ADAM12: variants seen among roughly 807,000 people sequenced by gnomAD.
The protein encoded by ADAM12 is ADAM metallopeptidase domain 12.
A neutral mutation model predicts 106.4 loss-of-function variants in ADAM12; 70 were observed. The observed-to-expected ratio is 0.66, with a 90% confidence interval of 0.54 to 0.80. ADAM12 has a LOEUF of 0.80. Ranked by LOEUF, ADAM12 falls within the 30% of genes least tolerant of loss-of-function variation. ADAM12 has a pLI of 0.00. For missense variants in ADAM12, 1,010 were observed against 1,171.9 expected (o/e 0.86, Z 2.02); for synonymous variants, 420 against 433.5 (o/e 0.97, Z 0.39).
At chr10:126,146,817 C>T (rs973823924) in intron 4 of ADAM12, among the ~76,000 whole-genome samples, 1 of 152,160 alleles carries the variant, frequency 6.6e-6, no homozygotes, top group Non-Finnish European at 1.5e-5. Flanking sequence ...ACGCCTCTGG[C>T]CCAGATAGTC....
In ADAM12 at chr10:126,183,559, C is replaced by T. The variant is rs542965702; in HGVS notation, c.261-28254G>A. On this transcript the variant is annotated intron_variant, in intron 3 of 22. Coordinates refer to ENST00000448723, the MANE Select transcript of ADAM12 (RefSeq NM_001288973.2). ...GCCATCTGGGGCAAGTGGTGAAGTG[C>T]AGGCTTTTTGAAGGCATAGCTGATA... Among the ~76,000 whole-genome samples the T allele has an allele frequency of 7.9e-5, 12 of 152,364 alleles. No homozygotes were observed. The East Asian group carries it at 2.1e-3, about 27-fold the overall frequency.
At chr10:126,354,479 C>T (rs1855471124) in intron 1 of ADAM12, among the ~76,000 whole-genome samples, 2 of 151,816 alleles carry the variant, frequency 1.3e-5, no homozygotes, top group African/African-American at 4.8e-5. Context: ...GAAAGGTTGG[C>T]AACCACAGGA....
rs149843720 is a variant in ADAM12 at position 126,368,901 on chromosome 10, G to A, written c.88+19157C>T. Reference sequence around the variant, plus strand: ...CATAGAGTTCTTCATGCCCATCCTCGCATCTGTACATTTCTCAGGGAGATA... The same window carrying A: ...CATAGAGTTCTTCATGCCCATCCTCACATCTGTACATTTCTCAGGGAGATA... On this transcript the variant is annotated intron_variant, in intron 1 of 22. Transcript: ENST00000448723. Among the ~76,000 whole-genome samples the A allele has an allele frequency of 2.1e-4, 32 of 152,100 alleles. No homozygotes were observed. The East Asian group carries it at 3.1e-3, about 15-fold the overall frequency.
At chr10:126,381,055 T>A (rs1011740010) in intron 1 of ADAM12, among the ~76,000 whole-genome samples, 3 of 152,168 alleles carry the variant, frequency 2.0e-5, no homozygotes, top group African/African-American at 7.2e-5. Flanking sequence ...TTAAGAAAAA[T>A]TTTGTTACAG....
intron 1 of ADAM12, among the ~76,000 whole-genome samples, chr10:126,380,665 CAT>C (rs1201898447): frequency 2.0e-5 from 3 of 152,314 alleles, no homozygotes; most frequent in Admixed American, 6.5e-5. Flanking sequence ...ACTAACCAAA[CAT>C]ATGAAGAAAC....
chr10:126,082,086 A>G (rs72839986), intron 11 of ADAM12, among the ~76,000 whole-genome samples: 1 of 152,326 alleles, frequency 6.6e-6, no homozygotes, highest in Non-Finnish European at 1.5e-5. Context: ...TCTTTAGCTC[A>G]ACAAGAGCAT....
Position 126,043,236 on chromosome 10 carries a change from C to T in ADAM12, c.1996-88G>A, listed in dbSNP as rs771017412. 2.2e-5 allele frequency: 26 copies of T among 1,168,998 alleles called. No individual in the cohort carries two copies. The highest frequency in any genetic ancestry group is 3.0e-5 in the Non-Finnish European group (25 of 830,850). 72.4% of individuals were successfully genotyped at this position (1,168,998 alleles called of 1,614,324 possible). ...AAGCAAGGGGGGCCATGGTCAGAGC[C>T]CCCCCCCAACACTGACACAGCCAGA... is the stretch of plus-strand genomic sequence containing the variant. On this transcript the variant is annotated intron_variant, in intron 17 of 22. Transcript: ENST00000448723. This position sits in a 1 kb window ranked among gnomAD's most constrained non-coding sequence, Gnocchi z 4.1.
chr10:126,234,674 CAGCCTTGAAAATGCAG>C (rs1958380418), intron 3 of ADAM12, among the ~76,000 whole-genome samples: 1 of 152,168 alleles, frequency 6.6e-6, no homozygotes, highest in Non-Finnish European at 1.5e-5. Flanking sequence ...TGTGGATGCT[CAGCCTTGAAAATGCAG>C]ATCTGTATTT....
chr10:126,053,045 C>G lies in ADAM12; in HGVS notation c.1610-3376G>C, dbSNP rs1954544119. Among the ~76,000 whole-genome samples, 1 of 152,118 alleles carries G rather than the reference C, an allele frequency of 6.6e-6. No individual in the cohort carries two copies. Among genetic ancestry groups the G allele is most frequent in the African/African-American group, 2.4e-5 (1 of 41,424 alleles). On this transcript the variant is annotated intron_variant, in intron 14 of 22. Coordinates refer to ENST00000448723, the MANE Select transcript of ADAM12 (RefSeq NM_001288973.2). This position sits in a 1 kb window ranked among gnomAD's most constrained non-coding sequence, Gnocchi z 4.6. ...CTCTTGAATGGTTTAGCACCATCAC[C>G]TTGGTGCTATTCTTGGGATAGTGAG...
At chr10:126,112,293 T>C (rs889797609) in intron 6 of ADAM12, among the ~76,000 whole-genome samples, 6 of 150,670 alleles carry the variant, frequency 4.0e-5, no homozygotes, top group Admixed American at 2.6e-4. Context: ...ATGGCACACG[T>C]ATACCTATGT....
At position 126,049,805 on chromosome 10, in the gene ADAM12, G is replaced by A; in HGVS notation, c.1610-136C>T. On this transcript the variant is annotated intron_variant, in intron 14 of 22. Coordinates refer to ENST00000448723, the MANE Select transcript of ADAM12 (RefSeq NM_001288973.2). The surrounding 1 kb of genome is among the most constrained non-coding windows in gnomAD (Gnocchi z 4.4). The stretch of plus-strand genomic sequence containing the variant: ...CAGTGTCTGTCCCGACTCATGGTGG[G>A]AGCTGGCCAGGGGAAGCCTAGGGTG... The A allele has an allele frequency of 1.3e-6, 1 of 783,056 alleles. No individual in the cohort carries two copies. Among genetic ancestry groups the A allele is most frequent in the Non-Finnish European group, 2.0e-6 (1 of 495,766 alleles). 48.5% of individuals were successfully genotyped at this position (783,056 alleles called of 1,614,324 possible). A position where few individuals can be genotyped will look rare whatever the true frequency, so the allele number is the denominator to read the frequency against.
intron 3 of ADAM12, among the ~76,000 whole-genome samples, chr10:126,157,411 T>C (rs1051207948): frequency 1.8e-4 from 27 of 152,292 alleles, no homozygotes; most frequent in African/African-American, 5.8e-4. Context: ...AGCGGGAATA[T>C]GCAAATGTCA....
chr10:126,120,028 C>T (rs547740012), intron 5 of ADAM12, among the ~76,000 whole-genome samples: 1 of 152,298 alleles, frequency 6.6e-6, no homozygotes, highest in African/African-American at 2.4e-5. Context: ...AGCGAGGTGA[C>T]CACTATCTCT....
At position 126,163,676 on chromosome 10, in the gene ADAM12, C is replaced by A. The variant is rs60764512; in HGVS notation, c.261-8371G>T. 8.7e-3 allele frequency among the ~76,000 whole-genome samples: 1,318 copies of A among 152,266 alleles called. 21 individuals are homozygous for A. The highest frequency in any genetic ancestry group is 0.03 in the African/African-American group (1,248 of 41,544). ...AGCATGGGAGAGCTGAAAGAAACCC[C>A]CCGGCCCCAGAAGTGAATCAGCCTT... is the stretch of plus-strand genomic sequence containing the variant. On this transcript the variant is annotated intron_variant, in intron 3 of 22. Transcript: ENST00000448723.
chr10:126,208,482 C>G (rs1234888483), intron 3 of ADAM12, among the ~76,000 whole-genome samples: 2 of 152,302 alleles, frequency 1.3e-5, no homozygotes, highest in Non-Finnish European at 2.9e-5. Flanking sequence ...CAATTGTACA[C>G]AAGCACAAAT....
At chr10:126,233,601 C>T (rs1003537365) in intron 3 of ADAM12, among the ~76,000 whole-genome samples, 7 of 152,128 alleles carry the variant, frequency 4.6e-5, no homozygotes, top group South Asian at 2.1e-4. Flanking sequence ...AGGCTGGAGA[C>T]AGACATGTTC....
rs561440691 is a variant in ADAM12, at chr10:126,253,007, G to A, written c.260+25908C>T. Among the ~76,000 whole-genome samples the A allele has an allele frequency of 1.4e-3, 209 of 152,216 alleles. 1 individual carries two copies. Among genetic ancestry groups the A allele is most frequent in the South Asian group, 7.7e-3 (37 of 4,818 alleles). On this transcript the variant is annotated intron_variant, in intron 3 of 22. Coordinates refer to ENST00000448723, the MANE Select transcript of ADAM12 (RefSeq NM_001288973.2). ...CAACCATGCTCTGATATGTGCTCTC[G>A]AAACCCTGAAGTGACGTTCTATTAT...
At chr10:126,317,295 A>G (rs964994206) in intron 2 of ADAM12, among the ~76,000 whole-genome samples, 3 of 152,216 alleles carry the variant, frequency 2.0e-5, no homozygotes, top group African/African-American at 7.2e-5. Context: ...TAGAGACCCA[A>G]TCCACAACCC....
At chr10:126,248,658 T>C (rs1367769849) in intron 3 of ADAM12, among the ~76,000 whole-genome samples, 5 of 136,912 alleles carry the variant, frequency 3.7e-5, no homozygotes, top group African/African-American at 1.4e-4. Flanking sequence ...GGTATGTATG[T>C]ATGTATGTAT....
Sources: allele counts gnomAD v4.1 joint callset (sites outside exome capture counted in the v4.1 genomes callset), GRCh38; gene constraint gnomAD v4.1.1; non-coding constraint Gnocchi (gnomAD v3.1); transcripts MANE v1.5; gene names NCBI Gene and HGNC (gene_info 2026-07-23, HGNC 2026-07-21).